The following CFAP44 variants were observed in gnomAD, a reference collection of about 807,000 sequenced individuals.
CFAP44 encodes cilia and flagella associated protein 44.
Under a neutral mutation model 216.2 loss-of-function variants are expected in CFAP44, and 134 were observed. That is an observed-to-expected ratio of 0.62 (90% confidence interval 0.54 to 0.72). The LOEUF (loss-of-function observed/expected upper bound fraction) is 0.72. Among genes scored for constraint, CFAP44 ranks in the 30% least tolerant of loss-of-function variants. The pLI is 0.00. For synonymous variants in CFAP44, 700 were observed against 727.6 expected, an observed-to-expected ratio of 0.96 and a Z score of 0.61; for missense variants, 2,035 against 2,182.1, an observed-to-expected ratio of 0.93 and a Z score of 1.34.
At chr3:113,325,579 G>A (rs917946938) in intron 28 of CFAP44, among the ~76,000 whole-genome samples, 16 of 151,730 alleles carry the variant, frequency 1.1e-4, no homozygotes, top group Admixed American at 9.9e-4. Flanking sequence ...CTAGTAGCTC[G>A]GACTACGGCA....
Position 113,401,723 on chromosome 3 carries a change from G to A in CFAP44, c.1187C>T (p.Thr396Ile). ...ATCTATTACATCAGCAGTGTCTATT[G>A]TCTCAAAATCCCATATCTTGTAAAA... Reference protein sequence around the residue: ...DGYVRIWDFETIDTADVIDET... With the variant: ...DGYVRIWDFEIIDTADVIDET... Residue 396 changes from threonine (T) to isoleucine (I), a missense_variant, in exon 10 of 35, where the codon ACA becomes ATA. Physicochemically the swap from Thr to Ile is moderately conservative, Grantham distance 89. Coordinates refer to ENST00000393845, the MANE Select transcript of CFAP44 (RefSeq NM_001164496.2). The A allele has an allele frequency of 6.2e-7, 1 of 1,607,612 alleles. No homozygotes were observed.
chr3:113,313,244 T>C (rs1950056418), intron 28 of CFAP44, among the ~76,000 whole-genome samples: 1 of 152,156 alleles, frequency 6.6e-6, no homozygotes, highest in South Asian at 2.1e-4. Flanking sequence ...AGCTTTAAAA[T>C]GTGACTGCCC....
chr3:113,344,773 A>G, intron 22 of CFAP44, 61 bp from the exon 23 acceptor site: 2 of 1,365,350 alleles, frequency 1.5e-6, no homozygotes, highest in Non-Finnish European at 1.9e-6. Context: ...CATAATTACT[A>G]AGTAATAAAA....
In CFAP44 at chr3:113,360,497, A is replaced by T. The variant is rs564370912; in HGVS notation, c.2935-1622T>A. ...AGTCTTGCCAACATGAGTTTGGTAG[A>T]ATAAGTGCTAATATCAGACATGATC... On this transcript the variant is annotated intron_variant, in intron 21 of 34. Coordinates refer to ENST00000393845, the MANE Select transcript of CFAP44 (RefSeq NM_001164496.2). The T allele has an allele frequency of 1.1e-4, 24 of 227,224 alleles. No homozygotes were observed. In the South Asian group the frequency reaches 1.8e-3, roughly 17 times the overall value. The allele number at this position is 227,224 out of a possible 1,614,324, so 14.1% of individuals were successfully genotyped here.
intron 7 of CFAP44, 100 bp downstream of exon 7, chr3:113,409,006 C>CAA (rs56301009): frequency 0.02 from 6,471 of 317,510 alleles, 73 homozygotes; most frequent in South Asian, 0.025. Context: ...ACCAAAACAG[C>CAA]AAAAAAAAAA....
chr3:113,328,729 C>G (rs76017635), intron 26 of CFAP44, among the ~76,000 whole-genome samples: 23,500 of 83,352 alleles, frequency 0.28, 2,776 homozygotes, highest in East Asian at 0.5. Flanking sequence ...AAAAAAAAAA[C>G]AGAGAGAGAA....
intron 18 of CFAP44, among the ~76,000 whole-genome samples, chr3:113,372,340 C>T (rs1933194991): frequency 6.6e-6 from 1 of 152,150 alleles, no homozygotes; most frequent in Admixed American, 6.5e-5. Context: ...AAATGTCCAT[C>T]AATGATAGAC....
chr3:113,313,873 G>C (rs1176895959), intron 28 of CFAP44, among the ~76,000 whole-genome samples: 1 of 152,148 alleles, frequency 6.6e-6, no homozygotes, highest in Non-Finnish European at 1.5e-5. Context: ...TCTTGAGTAT[G>C]TCTTTATCAG....
chr3:113,346,575 T>C (rs1950385045), intron 22 of CFAP44, among the ~76,000 whole-genome samples: 1 of 150,996 alleles, frequency 6.6e-6, no homozygotes, highest in Non-Finnish European at 1.5e-5. Context: ...CAATCAGCAC[T>C]CTGGGTCTAG....
rs541096190 is a variant in CFAP44, at chr3:113,431,152, G to A, written c.100+2413C>T. 6.2e-4 allele frequency among the ~76,000 whole-genome samples: 95 copies of A among 152,224 alleles called. 1 individual carries two copies. Among genetic ancestry groups the A allele is most frequent in the African/African-American group, 2.2e-3 (93 of 41,542 alleles). On this transcript the variant is annotated intron_variant, in intron 2 of 34. Transcript: ENST00000393845. ...AAAGCAAGGTTTTCAGGGGTGGGGG[G>A]AATGCAGCTATGATCAGGTATGAGG...
intron 34 of CFAP44, 93 bp from the exon 35 acceptor site, chr3:113,291,841 TGACA>T: frequency 1.0e-5 from 14 of 1,345,504 alleles, no homozygotes; most frequent in Non-Finnish European, 1.4e-5. Flanking sequence ...AGTGCTGGCC[TGACA>T]GTCACCCTAA....
chr3:113,367,103 G>C (rs1932969893), intron 18 of CFAP44, among the ~76,000 whole-genome samples: 2 of 152,350 alleles, frequency 1.3e-5, no homozygotes, highest in African/African-American at 4.8e-5. Context: ...AAGGCCTACT[G>C]CCTCTATAGA....
chr3:113,370,996 T>C (rs1194606597), intron 18 of CFAP44, among the ~76,000 whole-genome samples: 12 of 151,996 alleles, frequency 7.9e-5, no homozygotes, highest in South Asian at 4.1e-4. Flanking sequence ...ACTAAGAGAA[T>C]AAAATACCTA....
intron 15 of CFAP44, among the ~76,000 whole-genome samples, chr3:113,391,382 G>T (rs1397078061): frequency 6.6e-6 from 1 of 152,026 alleles, no homozygotes. Flanking sequence ...TCAAAACTAT[G>T]AAACAATTAA....
At chr3:113,340,960 C>A (rs1950327612) in intron 24 of CFAP44, among the ~76,000 whole-genome samples, 1 of 152,208 alleles carries the variant, frequency 6.6e-6, no homozygotes, top group African/African-American at 2.4e-5. Context: ...GCAGCCCCAG[C>A]CCGACTGTCC....
At position 113,341,608 on chromosome 3, in the gene CFAP44, T is replaced by A; in HGVS notation, c.3437+136A>T. On this transcript the variant is annotated intron_variant, in intron 24 of 34. Transcript: ENST00000393845. Reference sequence around the variant, plus strand: ...AGATCCAGCTGACCTGTTTATAATATCTCCTTCTTTGTTTTTATTGTTTTC... The same window carrying A: ...AGATCCAGCTGACCTGTTTATAATAACTCCTTCTTTGTTTTTATTGTTTTC... 1.2e-5 allele frequency: 12 copies of A among 1,039,570 alleles called. No homozygotes were observed. In the South Asian group the frequency reaches 2.7e-4, roughly 23 times the overall value. 64.4% of individuals were successfully genotyped at this position (1,039,570 alleles called of 1,614,324 possible). A position where few individuals can be genotyped will look rare whatever the true frequency, so the allele number is the denominator to read the frequency against.
At chr3:113,401,812 C>G (rs947594833) in intron 9 of CFAP44, 73 bp from the exon 10 acceptor site, 3 of 1,458,470 alleles carry the variant, frequency 2.1e-6, no homozygotes, top group Non-Finnish European at 1.8e-6. Flanking sequence ...CCAGAAAAAC[C>G]CTGATTTTTT....
intron 24 of CFAP44, among the ~76,000 whole-genome samples, chr3:113,338,717 C>G (rs1027391708): frequency 1.3e-5 from 2 of 152,192 alleles, no homozygotes; most frequent in African/African-American, 2.4e-5. Context: ...GCCAAGATTT[C>G]TCTTCATTTG....
At chr3:113,374,989 G>C (rs1025405103) in intron 17 of CFAP44, among the ~76,000 whole-genome samples, 6 of 152,180 alleles carry the variant, frequency 3.9e-5, no homozygotes, top group South Asian at 2.1e-4. Flanking sequence ...CATACTTAAA[G>C]TGGAGTATTA....
Sources: gnomAD v4.1 joint callset for allele counts (sites outside exome capture counted in the v4.1 genomes callset) on GRCh38, gnomAD v4.1.1 for gene constraint, MANE v1.5 for transcripts, NCBI Gene and HGNC (gene_info 2026-07-23, HGNC 2026-07-21) for gene names.